Variants in CDC42EP4 observed in about 807,000 individuals in gnomAD.
The protein encoded by CDC42EP4 is CDC42 effector protein 4.
CDC42EP4 carries 6 observed loss-of-function variants against 5.6 expected under a neutral mutation model. The observed-to-expected ratio is 1.07, with a 90% CI of 0.59 to 2.12. The LOEUF (loss-of-function observed/expected upper bound fraction) is 2.12. Ranked by LOEUF, CDC42EP4 falls within the 30% of genes most tolerant of loss-of-function variation. The pLI is 0.00. For missense variants in CDC42EP4, 490 were observed against 508.6 expected (o/e 0.96, Z 0.35); for synonymous variants, 230 against 224.2 (o/e 1.03, Z -0.23).
At chr17:73,307,760 C>CTTTTT (rs539543636) in intron 1 of CDC42EP4, among the ~76,000 whole-genome samples, 1 of 107,184 alleles carries the variant, frequency 9.3e-6, no homozygotes, top group Non-Finnish European at 1.8e-5. Context: ...GAATTTCTCT[C>CTTTTT]TTTTTTTTTT....
chr17:73,288,071 C>T (rs2062143121), intron 1 of CDC42EP4, among the ~76,000 whole-genome samples: 1 of 152,176 alleles, frequency 6.6e-6, no homozygotes, highest in Non-Finnish European at 1.5e-5. Context: ...CAATGCAACC[C>T]CTGCCACACC....
chr17:73,304,471 A>ATGTATTGTATTCTTCCCAACAATCCCAT (rs1382321971), intron 1 of CDC42EP4, among the ~76,000 whole-genome samples: 1 of 151,764 alleles, frequency 6.6e-6, no homozygotes, highest in East Asian at 1.9e-4. Context: ...ACTTTATCTC[A>ATGTATTGTATTCTTCCCAACAATCCCAT]TGTATTCTTC....
rs377157330 is a variant in CDC42EP4, at chr17:73,285,668, G to A, written c.833C>T (p.Ser278Phe). The A allele has an allele frequency of 3.8e-6, 6 of 1,579,706 alleles. No individual in the cohort carries two copies. Among genetic ancestry groups the A allele is most frequent in the Non-Finnish European group, 5.2e-6 (6 of 1,158,998 alleles). The change falls in exon 2 of 2, where the codon TCC (serine) becomes TTC (phenylalanine). Residue 278 changes from serine (S) to phenylalanine (F), a missense_variant. Physicochemically the swap from Ser to Phe is radical, Grantham distance 155. Transcript: ENST00000335793. The surrounding 1 kb of genome is among the most constrained non-coding windows in gnomAD (Gnocchi z 6.8). ...KAGPDLPSLP[S>F]HALEDEGWAA... is the part of the protein sequence containing the mutation. ...CCACCCCTCATCCTCCAGAGCATGG[G>A]AGGGGAGGGAGGGCAAGTCTGGGCC...
rs778993386 is a variant in CDC42EP4, at chr17:73,285,970, G to C, written c.531C>G (p.Pro177=). ...CCCCAAAGGCCTGCTCATCGAGGAG[G>C]GGGTCAGGGGAATGTGGACCCGCGG... ...NGAAGPHSPD[P]LLDEQAFGDL... Residue 177 remains proline (P), a synonymous_variant, in exon 2 of 2, where the codon CCC becomes CCG. Transcript: ENST00000335793. The surrounding 1 kb of genome is among the most constrained non-coding windows in gnomAD (Gnocchi z 6.8). 7.4e-6 allele frequency: 12 copies of C among 1,613,422 alleles called. No individual in the cohort carries two copies. Among genetic ancestry groups the C allele is most frequent in the Non-Finnish European group, 8.5e-6 (10 of 1,179,848 alleles).
chr17:73,308,140 G>A (rs770333314), intron 1 of CDC42EP4, among the ~76,000 whole-genome samples: 4 of 152,290 alleles, frequency 2.6e-5, no homozygotes, highest in Non-Finnish European at 4.4e-5. Flanking sequence ...GTTCCCTGCC[G>A]AGAGAGGGCA....
intron 1 of CDC42EP4, among the ~76,000 whole-genome samples, chr17:73,305,797 G>T (rs575070133): frequency 6.6e-6 from 1 of 152,202 alleles, no homozygotes; most frequent in Admixed American, 6.5e-5. Flanking sequence ...ACTTCATAGA[G>T]AACAGCCACC....
rs111475787 is a variant in CDC42EP4, at chr17:73,298,962, C to CT, written c.-112-12351dup. Among the ~76,000 whole-genome samples, 464 of 145,126 alleles carry CT rather than the reference C, an allele frequency of 3.2e-3. 5 individuals are homozygous for CT. The highest frequency in any genetic ancestry group is 9.8e-3 in the Admixed American group (141 of 14,384). Reference sequence around the variant, plus strand: ...TTTTACTCACTCTCACATCTCACAGCTTTTTTTTTTTTTGAGACACGGCAT... The same window carrying CT: ...TTTTACTCACTCTCACATCTCACAGCTTTTTTTTTTTTTTGAGACACGGCAT... On this transcript the variant is annotated intron_variant, in intron 1 of 1. Transcript: ENST00000335793.
intron 1 of CDC42EP4, among the ~76,000 whole-genome samples, chr17:73,295,868 G>A (rs2062181782): frequency 6.8e-6 from 1 of 146,560 alleles, no homozygotes; most frequent in South Asian, 2.1e-4. Context: ...TCATGCCATT[G>A]CACTCCAGCC....
intron 1 of CDC42EP4, among the ~76,000 whole-genome samples, chr17:73,295,617 T>C (rs2062180467): frequency 6.6e-6 from 1 of 151,948 alleles, no homozygotes; most frequent in East Asian, 1.9e-4. Flanking sequence ...TAAATGATGG[T>C]TTTGGCCAGG....
chr17:73,305,179 CT>C (rs2062238639), intron 1 of CDC42EP4, among the ~76,000 whole-genome samples: 1 of 152,228 alleles, frequency 6.6e-6, no homozygotes, highest in African/African-American at 2.4e-5. Context: ...CATCCGGCAA[CT>C]TCACTTGATT....
chr17:73,309,218 G>T (rs2062260943), intron 1 of CDC42EP4, among the ~76,000 whole-genome samples: 1 of 151,848 alleles, frequency 6.6e-6, no homozygotes, highest in Non-Finnish European at 1.5e-5. Context: ...CGTGGTGGTG[G>T]GCGCCAGTAG....
chr17:73,298,453 G>A (rs139746483), intron 1 of CDC42EP4, among the ~76,000 whole-genome samples: 86 of 152,322 alleles, frequency 5.6e-4, no homozygotes, highest in African/African-American at 1.9e-3. Flanking sequence ...CAGTGACACT[G>A]AAGCTCCAAG....
intron 1 of CDC42EP4, chr17:73,311,424 C>T (rs1045870975): frequency 6.6e-6 from 1 of 152,452 alleles, no homozygotes; most frequent in African/African-American, 2.4e-5. Context: ...ATGGAGAACT[C>T]CGGGCGCACA....
chr17:73,290,196 A>T (rs2062155106), intron 1 of CDC42EP4, among the ~76,000 whole-genome samples: 1 of 152,230 alleles, frequency 6.6e-6, no homozygotes, highest in Admixed American at 6.5e-5. Context: ...TTATTGAAGG[A>T]AAGTGATTTA....
chr17:73,286,515 G>A lies in CDC42EP4; in HGVS notation c.-15C>T, dbSNP rs754252387. ...AGGATTGGCATCTTGCTGGATGGGC[G>A]GGGAGGTGGGCCCTCCCGAGGTAGC... is the stretch of plus-strand genomic sequence containing the variant. On this transcript the variant is annotated 5_prime_UTR_variant, in exon 2 of 2. Coordinates refer to ENST00000335793, the MANE Select transcript of CDC42EP4 (RefSeq NM_012121.5). This position sits in a 1 kb window ranked among gnomAD's most constrained non-coding sequence, Gnocchi z 7.7. 22 of 1,564,644 alleles carry A rather than the reference G, an allele frequency of 1.4e-5. No homozygotes were observed. In the African/African-American group the frequency reaches 1.8e-4, roughly 12 times the overall value.
At position 73,286,007 on chromosome 17, in the gene CDC42EP4, C is replaced by A; in HGVS notation, c.494G>T (p.Arg165Leu). 1 of 1,613,526 alleles carries A rather than the reference C, an allele frequency of 6.2e-7. No individual in the cohort carries two copies. Among genetic ancestry groups the A allele is most frequent in the Non-Finnish European group, 8.5e-7 (1 of 1,179,870 alleles). Residue 165 changes from arginine (R) to leucine (L), a missense_variant, in exon 2 of 2, where the codon CGT becomes CTT. Transcript: ENST00000335793. The surrounding 1 kb of genome is among the most constrained non-coding windows in gnomAD (Gnocchi z 7.7). ...ATGTGGACCCGCGGCCCCATTCCGACGGGGCACTGCCTCCTCCGTGCCCGC... is the reference window on the plus strand; with the variant it reads ...ATGTGGACCCGCGGCCCCATTCCGAAGGGGCACTGCCTCCTCCGTGCCCGC... Reference protein sequence around the residue: ...EEAGTEEAVPRRNGAAGPHSP... With the variant: ...EEAGTEEAVPLRNGAAGPHSP...
intron 1 of CDC42EP4, among the ~76,000 whole-genome samples, chr17:73,296,853 G>C (rs1418629436): frequency 8.1e-5 from 12 of 148,088 alleles, no homozygotes; most frequent in South Asian, 2.2e-4. Context: ...CGGTGAGGGG[G>C]GCCTGTAGTC....
At chr17:73,296,982 A>AT (rs2062189884) in intron 1 of CDC42EP4, among the ~76,000 whole-genome samples, 1 of 43,224 alleles carries the variant, frequency 2.3e-5, no homozygotes, top group Non-Finnish European at 5.9e-5. Context: ...CTCCGTCTCA[A>AT]AAAAAAAAAA....
At chr17:73,287,996 C>T (rs2062142743) in intron 1 of CDC42EP4, among the ~76,000 whole-genome samples, 2 of 152,166 alleles carry the variant, frequency 1.3e-5, no homozygotes, top group Non-Finnish European at 2.9e-5. Flanking sequence ...CACCTCGCTC[C>T]TCAGTGTCCC....
Sources: gnomAD v4.1 joint callset for allele counts (sites outside exome capture counted in the v4.1 genomes callset) on GRCh38, gnomAD v4.1.1 for gene constraint, Gnocchi (gnomAD v3.1) non-coding constraint, MANE v1.5 for transcripts, NCBI Gene and HGNC (gene_info 2026-07-23, HGNC 2026-07-21) for gene names.